STK11: variants seen among roughly 807,000 people sequenced by gnomAD.
STK11 encodes the protein serine/threonine kinase 11, also known as serine/threonine-protein kinase STK11.
A neutral mutation model predicts 47.3 loss-of-function variants in STK11; 8 were observed. The ratio of observed to expected loss-of-function variants is 0.17; its 90% CI spans 0.10 to 0.31. The LOEUF (loss-of-function observed/expected upper bound fraction) is 0.31, where lower values mean the gene tolerates loss of function less well. Ranked by LOEUF, STK11 falls within the 10% of genes least tolerant of loss-of-function variation. The probability of loss-of-function intolerance (pLI) is 1.00; values close to 1 mark genes in which losing one functional copy is unlikely to be tolerated. For synonymous variants in STK11, 330 were observed against 255.8 expected (o/e 1.29, Z -2.77); for missense variants, 475 against 605.0 (o/e 0.79, Z 2.25).
At chr19:1,227,176 T>TG (rs1312710589) in intron 9 of STK11, 2 of 158,736 alleles carry the variant, frequency 1.3e-5, no homozygotes, top group Admixed American at 1.3e-4. Context: ...TGTGCCTGCC[T>TG]CCTCTCCCAG....
At position 1,223,230 on chromosome 19, in the gene STK11, G is replaced by A. The variant is rs2080798719; in HGVS notation, c.1108+58G>A. ...CTGACTCGGCCAGGATGTCCCACGGGAGCAGGGTGCCTGCCTGTCTGCAAC... is the reference window on the plus strand; with the variant it reads ...CTGACTCGGCCAGGATGTCCCACGGAAGCAGGGTGCCTGCCTGTCTGCAAC... On this transcript the variant is annotated intron_variant, in intron 8 of 9. Coordinates refer to ENST00000326873, the MANE Select transcript of STK11 (RefSeq NM_000455.5). The A allele has an allele frequency of 5.8e-6, 9 of 1,558,332 alleles. No individual in the cohort carries two copies. In the South Asian group the frequency reaches 1.0e-4, roughly 18 times the overall value.
In STK11 at chr19:1,210,882, G is replaced by A. The variant is rs576420418; in HGVS notation, c.290+3679G>A. 3.5e-3 allele frequency among the ~76,000 whole-genome samples: 535 copies of A among 152,144 alleles called. 2 individuals carry two copies. The highest frequency in any genetic ancestry group is 0.012 in the African/African-American group (485 of 41,518). Reference sequence around the variant, plus strand: ...CGTCTCGAAAAAAAAAAGGGCTGGGGCCGGGCGTGGTGGCTCACGCCTGTA... The same window carrying A: ...CGTCTCGAAAAAAAAAAGGGCTGGGACCGGGCGTGGTGGCTCACGCCTGTA... On this transcript the variant is annotated intron_variant, in intron 1 of 9. Coordinates refer to ENST00000326873, the MANE Select transcript of STK11 (RefSeq NM_000455.5).
rs1339058465 is a variant in STK11, at chr19:1,227,769, C to A, written c.*193C>A. ...GCAGGGACCGGGCGCAGCCCTCCCC[C>A]CTCGGCCGCCCGGCAGTGCACGCGG... On this transcript the variant is annotated 3_prime_UTR_variant, in exon 10 of 10. Transcript: ENST00000326873. 4.3e-5 allele frequency: 46 copies of A among 1,073,532 alleles called. No individual in the cohort carries two copies. The highest frequency in any genetic ancestry group is 1.1e-4 in the Admixed American group (2 of 18,786). The allele number at this position is 1,073,532 out of a possible 1,614,324, so 66.5% of individuals were successfully genotyped here.
In STK11 at chr19:1,220,201, C is replaced by T. The variant is rs1009007590; in HGVS notation, c.465-172C>T. ...GCCGGACGAGGGTGGCCACTGCAGG[C>T]GCAGGTGTGGCTCCCTGCTGGACCT... On this transcript the variant is annotated intron_variant, in intron 3 of 9. Coordinates refer to ENST00000326873, the MANE Select transcript of STK11 (RefSeq NM_000455.5). 1.0e-4 allele frequency: 87 copies of T among 831,590 alleles called. 1 individual carries two copies. Among genetic ancestry groups the T allele is most frequent in the African/African-American group, 5.7e-4 (33 of 57,800 alleles). 51.5% of individuals were successfully genotyped at this position (831,590 alleles called of 1,614,324 possible). A position where few individuals can be genotyped will look rare whatever the true frequency, so the allele number is the denominator to read the frequency against.
intron 8 of STK11, chr19:1,226,138 C>T: frequency 8.3e-7 from 1 of 1,202,514 alleles, no homozygotes; most frequent in Non-Finnish European, 1.0e-6. Flanking sequence ...CCTGCCTTGT[C>T]AGCTTGCCTC....
rs373515346 is a variant in STK11 at position 1,219,709 on chromosome 19, C to T, written c.464+296C>T. Among the ~76,000 whole-genome samples, 345 of 152,234 alleles carry T rather than the reference C, an allele frequency of 2.3e-3. 2 individuals carry two copies. The highest frequency in any genetic ancestry group is 8.1e-3 in the African/African-American group (335 of 41,536). On this transcript the variant is annotated intron_variant, in intron 3 of 9. Coordinates refer to ENST00000326873, the MANE Select transcript of STK11 (RefSeq NM_000455.5). ...TACAGGCGCCCGCCACCACGCCCGGCTAATTTTTTGTATTTTTAGTAGAGA... is the reference window on the plus strand; with the variant it reads ...TACAGGCGCCCGCCACCACGCCCGGTTAATTTTTTGTATTTTTAGTAGAGA...
chr19:1,222,095 G>A, intron 7 of STK11, 89 bp downstream of exon 7: 2 of 1,459,882 alleles, frequency 1.4e-6, no homozygotes, highest in Admixed American at 2.0e-5. Flanking sequence ...AGCAGGGCGT[G>A]GTGGGGGTGC....
intron 3 of STK11, 39 bp downstream of exon 3, chr19:1,219,452 C>T (rs369515604): frequency 3.6e-5 from 55 of 1,514,458 alleles, no homozygotes; most frequent in African/African-American, 8.4e-5. Context: ...GGGCGGGGGC[C>T]GGGGGCCAGG....
chr19:1,210,089 C>G (rs2080699096), intron 1 of STK11, among the ~76,000 whole-genome samples: 1 of 152,144 alleles, frequency 6.6e-6, no homozygotes, highest in African/African-American at 2.4e-5. Context: ...TCAGGAGCTG[C>G]CCCGCTTACA....
rs587782020 is a variant in STK11, at chr19:1,226,449, C to T, written c.1109-5C>T. 3.4e-5 allele frequency: 55 copies of T among 1,609,728 alleles called. No homozygotes were observed. The Admixed American group carries it at 8.5e-4, about 25-fold the overall frequency. ...CTCAGGCCACACTTGCCGTCTCCCT[C>T]CCAGGACAGGTCCCAGAAGAGGAGG... is the stretch of plus-strand genomic sequence containing the variant. On this transcript the variant is annotated splice_region_variant and splice_polypyrimidine_tract_variant and intron_variant, in intron 8 of 9. Coordinates refer to ENST00000326873, the MANE Select transcript of STK11 (RefSeq NM_000455.5).
rs370265572 is a variant in STK11 at position 1,228,182 on chromosome 19, C to T, written c.*606C>T. On this transcript the variant is annotated 3_prime_UTR_variant, in exon 10 of 10. Transcript: ENST00000326873. ...CACGTCGCGGCCGCCTTTGCGCTCT[C>T]GGGTCACCCTGCTTTGGCGGCCCGG... The T allele has an allele frequency of 1.5e-4, 160 of 1,045,212 alleles. No individual in the cohort carries two copies. Among genetic ancestry groups the T allele is most frequent in the East Asian group, 3.0e-4 (6 of 20,110 alleles). The allele number at this position is 1,045,212 out of a possible 1,614,324, so 64.7% of individuals were successfully genotyped here.
intron 1 of STK11, among the ~76,000 whole-genome samples, chr19:1,208,408 T>C (rs545567212): frequency 1.0e-4 from 15 of 147,102 alleles, no homozygotes; most frequent in East Asian, 8.3e-4. Flanking sequence ...CCCGGGTTCA[T>C]GCCATTCTCC....
chr19:1,226,775 C>T lies in STK11; in HGVS notation c.*16+112C>T, dbSNP rs968517010. The T allele has an allele frequency of 1.6e-5, 21 of 1,289,650 alleles. No individual in the cohort carries two copies. The East Asian group carries it at 3.3e-4, about 20-fold the overall frequency. The allele number at this position is 1,289,650 out of a possible 1,614,324, so 79.9% of individuals were successfully genotyped here. On this transcript the variant is annotated intron_variant, in intron 9 of 9. Transcript: ENST00000326873. ...TCATGGTGACCGTCACGTGGCTGCGCGTGGTTGCCATGTGGCCTTTGGGTG... is the reference window on the plus strand; with the variant it reads ...TCATGGTGACCGTCACGTGGCTGCGTGTGGTTGCCATGTGGCCTTTGGGTG...
chr19:1,216,908 T>A (rs2080748577), intron 1 of STK11, among the ~76,000 whole-genome samples: 1 of 152,022 alleles, frequency 6.6e-6, no homozygotes, highest in South Asian at 2.1e-4. Context: ...AAGGTGCAGC[T>A]AGGCTGTGGC....
At chr19:1,216,626 C>T (rs199680460) in intron 1 of STK11, among the ~76,000 whole-genome samples, 3 of 151,528 alleles carry the variant, frequency 2.0e-5, no homozygotes, top group South Asian at 2.1e-4. Flanking sequence ...CAGCGTTTTC[C>T]GAGGCCGAGG....
At chr19:1,224,697 C>A (rs2080808796) in intron 8 of STK11, 2 of 985,668 alleles carry the variant, frequency 2.0e-6, no homozygotes, top group Non-Finnish European at 2.4e-6. Context: ...GGGTGAGGTG[C>A]CTGGGAGGAG....
chr19:1,218,319 C>A, intron 1 of STK11, 98 bp from the exon 2 acceptor site: 1 of 973,756 alleles, frequency 1.0e-6, no homozygotes, highest in Non-Finnish European at 1.6e-6. Context: ...GGAGGAGGTA[C>A]GCCACTTCCA....
chr19:1,205,959 G>A lies in STK11; in HGVS notation c.-955G>A, dbSNP rs2080660995. ...CCACACGCGCGGCGGCCGCGGCGAGGGGGACGCGCCGCCCGGGGCCCGGCA... is the reference window on the plus strand; with the variant it reads ...CCACACGCGCGGCGGCCGCGGCGAGAGGGACGCGCCGCCCGGGGCCCGGCA... On this transcript the variant is annotated 5_prime_UTR_variant, in exon 1 of 10. Transcript: ENST00000326873. 1 of 152,436 alleles carries A rather than the reference G, an allele frequency of 6.6e-6. No homozygotes were observed. The highest frequency in any genetic ancestry group is 2.4e-5 in the African/African-American group (1 of 41,074). The allele number at this position is 152,436 out of a possible 1,614,324, so 9.4% of individuals were successfully genotyped here. A position where few individuals can be genotyped will look rare whatever the true frequency, so the allele number is the denominator to read the frequency against.
chr19:1,227,321 T>A lies in STK11; in HGVS notation c.*17-272T>A, dbSNP rs767266995. ...TTGCCACAGCCCCTCTCCCAGGTTT[T>A]GGGGGCCACCGCCTGAGTTACATGT... is the stretch of plus-strand genomic sequence containing the variant. On this transcript the variant is annotated intron_variant, in intron 9 of 9. Transcript: ENST00000326873. 4.0e-4 allele frequency: 76 copies of A among 192,158 alleles called. No homozygotes were observed. In the Middle Eastern group the frequency reaches 0.012, roughly 30 times the overall value. 11.9% of individuals were successfully genotyped at this position (192,158 alleles called of 1,614,324 possible). A position where few individuals can be genotyped will look rare whatever the true frequency, so the allele number is the denominator to read the frequency against.
Sources: allele counts gnomAD v4.1 joint callset (sites outside exome capture counted in the v4.1 genomes callset), GRCh38; gene constraint gnomAD v4.1.1; transcripts MANE v1.5; gene names NCBI Gene and HGNC (gene_info 2026-07-23, HGNC 2026-07-21).